ACTMAP: variants seen among roughly 807,000 people sequenced by gnomAD.
The protein encoded by ACTMAP is actin maturation protease, also known as UPF0692 protein C19orf54.
At chr19:40,748,152 C>T in the ACTMAP span, among the ~76,000 whole-genome samples, 1 of 152,000 alleles carries the variant, frequency 6.6e-6, no homozygotes, top group African/African-American at 2.4e-5. Flanking sequence ...TCAGTGGGGG[C>T]ATTTAGGGAA....
the ACTMAP span, chr19:40,750,229 C>G: frequency 1.7e-4 from 27 of 155,404 alleles, no homozygotes; most frequent in Admixed American, 2.0e-4. Flanking sequence ...ATTCGGAGAA[C>G]TTAGGTTCAG....
chr19:40,742,262 T>C, the ACTMAP span: 1 of 755,666 alleles, frequency 1.3e-6, no homozygotes, highest in South Asian at 1.5e-5. Context: ...TGTCAATCTC[T>C]CCCTAGAGGG....
chr19:40,744,118 T>C, the ACTMAP span: 4 of 1,613,452 alleles, frequency 2.5e-6, no homozygotes, highest in Non-Finnish European at 3.4e-6. Flanking sequence ...GAGGTCTCTG[T>C]TGGGACCGCC....
At chr19:40,743,960 G>C in the ACTMAP span, 1 of 1,613,928 alleles carries the variant, frequency 6.2e-7, no homozygotes, top group Non-Finnish European at 8.5e-7. Flanking sequence ...GCTCATGGTT[G>C]AAGTCCTCGT....
chr19:40,742,662 A>AG, the ACTMAP span: 1 of 1,613,410 alleles, frequency 6.2e-7, no homozygotes, highest in Non-Finnish European at 8.5e-7. Context: ...CTCCTCTGGC[A>AG]GGGATGGTGG....
At chr19:40,747,275 G>T in the ACTMAP span, among the ~76,000 whole-genome samples, 1 of 151,780 alleles carries the variant, frequency 6.6e-6, no homozygotes. Flanking sequence ...AGCAGCTCAC[G>T]CCTGTAATCC....
the ACTMAP span, chr19:40,744,959 A>G: frequency 1.2e-6 from 1 of 835,040 alleles, no homozygotes; most frequent in South Asian, 1.6e-5. Context: ...TGTCCCAACT[A>G]TGTTTACTAT....
At chr19:40,745,090 G>A in the ACTMAP span, 2 of 1,548,624 alleles carry the variant, frequency 1.3e-6, no homozygotes, top group South Asian at 2.4e-5. Flanking sequence ...GCAGAGTAAA[G>A]GCAGCAGATG....
the ACTMAP span, chr19:40,749,618 G>C: frequency 1.3e-6 from 2 of 1,550,262 alleles, no homozygotes; most frequent in Non-Finnish European, 1.7e-6. Context: ...CTGTGGCAGC[G>C]GGTGGAGGAG....
chr19:40,747,985 CT>C, the ACTMAP span, among the ~76,000 whole-genome samples: 1 of 152,158 alleles, frequency 6.6e-6, no homozygotes, highest in Non-Finnish European at 1.5e-5. Flanking sequence ...TTCTATGAGC[CT>C]CAGTTTTCTC....
the ACTMAP span, chr19:40,741,736 C>T: frequency 2.2e-6 from 1 of 456,602 alleles, no homozygotes; most frequent in Non-Finnish European, 4.4e-6. Flanking sequence ...AGTGATTCCA[C>T]TTCTCCAGGC....
At chr19:40,749,541 G>GCCT in the ACTMAP span, 1 of 1,551,284 alleles carries the variant, frequency 6.4e-7, no homozygotes, top group Non-Finnish European at 8.7e-7. Flanking sequence ...GACCGGGCCG[G>GCCT]CCTTATCAAA....
At chr19:40,749,391 T>C in the ACTMAP span, 2 of 1,331,942 alleles carry the variant, frequency 1.5e-6, no homozygotes, top group Non-Finnish European at 2.1e-6. Flanking sequence ...TGTTTGATCT[T>C]GAGGACACGG....
the ACTMAP span, among the ~76,000 whole-genome samples, chr19:40,748,586 T>C: frequency 1.3e-5 from 2 of 152,134 alleles, no homozygotes; most frequent in Non-Finnish European, 2.9e-5. Flanking sequence ...AGCCTCCTTT[T>C]CTGCACAGAG....
chr19:40,745,033 C>T, the ACTMAP span: 1 of 1,411,884 alleles, frequency 7.1e-7, no homozygotes, highest in Non-Finnish European at 9.8e-7. Flanking sequence ...CCAGCAGGGA[C>T]AATCCACTCC....
chr19:40,747,950 G>T, the ACTMAP span, among the ~76,000 whole-genome samples: 1 of 152,058 alleles, frequency 6.6e-6, no homozygotes, highest in Admixed American at 6.6e-5. Flanking sequence ...TATAGCTAAG[G>T]GGCATTATAG....
At chr19:40,747,883 C>T in the ACTMAP span, among the ~76,000 whole-genome samples, 1 of 152,006 alleles carries the variant, frequency 6.6e-6, no homozygotes, top group East Asian at 1.9e-4. Flanking sequence ...AACAAACAAA[C>T]AAACAGCTTG....
the ACTMAP span, chr19:40,749,385 T>C: frequency 7.8e-7 from 1 of 1,278,424 alleles, no homozygotes. Context: ...TCAGCCTGTT[T>C]GATCTTGAGG....
chr19:40,747,163 T>TG, the ACTMAP span, among the ~76,000 whole-genome samples: 8 of 151,852 alleles, frequency 5.3e-5, no homozygotes, highest in South Asian at 2.1e-4. Context: ...GTTTGGGTGT[T>TG]GGGGGGGTGC....
Sources: gnomAD v4.1 joint callset for allele counts (sites outside exome capture counted in the v4.1 genomes callset) on GRCh38, gnomAD v4.1.1 for gene constraint, MANE v1.5 for transcripts, NCBI Gene and HGNC (gene_info 2026-07-23, HGNC 2026-07-21) for gene names.